Variants in CCNY observed in about 807,000 individuals in gnomAD.
CCNY encodes cyclin Y, also known as cyclin-Y.
In CCNY, 19 loss-of-function variants were observed where a neutral mutation model predicts 42.8. The ratio of observed to expected loss-of-function variants is 0.44; its 90% CI spans 0.31 to 0.65. CCNY has a LOEUF of 0.65. Among genes scored for constraint, CCNY ranks in the 30% least tolerant of loss-of-function variants. CCNY has a pLI of 0.07. For missense variants in CCNY, 370 were observed against 437.3 expected (o/e 0.85, Z 1.37); for synonymous variants, 165 against 162.7 (o/e 1.01, Z -0.11).
intron 1 of CCNY, among the ~76,000 whole-genome samples, chr10:35,350,461 G>C (rs1836405194): frequency 6.6e-6 from 1 of 152,252 alleles, no homozygotes; most frequent in Admixed American, 6.5e-5. Flanking sequence ...TTAAGAGTCT[G>C]TAAAGTTCTA....
At chr10:35,290,824 CAAA>C (rs1589019311) in intron 3 of CCNY, among the ~76,000 whole-genome samples, 3 of 151,950 alleles carry the variant, frequency 2.0e-5, no homozygotes, top group Admixed American at 2.0e-4. Flanking sequence ...ACGAAAAAAA[CAAA>C]ACATAAAACA....
intron 1 of CCNY, among the ~76,000 whole-genome samples, chr10:35,423,925 A>T (rs918164865): frequency 4.6e-5 from 7 of 152,334 alleles, no homozygotes; most frequent in African/African-American, 1.7e-4. Flanking sequence ...ATCTGAGACG[A>T]TCACCTCAAC....
intron 3 of CCNY, among the ~76,000 whole-genome samples, chr10:35,311,689 CA>C (rs1038413864): frequency 8.7e-5 from 13 of 149,720 alleles, no homozygotes; most frequent in South Asian, 8.5e-4. Flanking sequence ...CCCACCCCCC[CA>C]AAAAAAAGTT....
At chr10:35,527,341 GCTTT>G (rs996473773) in intron 5 of CCNY, among the ~76,000 whole-genome samples, 1 of 152,182 alleles carries the variant, frequency 6.6e-6, no homozygotes, top group African/African-American at 2.4e-5. Context: ...GCTCAGTTGT[GCTTT>G]CAAGACAATT....
intron 1 of CCNY, among the ~76,000 whole-genome samples, chr10:35,440,275 A>G (rs1278858907): frequency 1.3e-5 from 2 of 152,170 alleles, no homozygotes; most frequent in Admixed American, 1.3e-4. Context: ...TATCTGAGAT[A>G]AGTGAGGCAG....
At position 35,439,815 on chromosome 10, in the gene CCNY, C is replaced by G. The variant is rs572240586; in HGVS notation, c.155-43589C>G. Among the ~76,000 whole-genome samples, 120 of 152,188 alleles carry G rather than the reference C, an allele frequency of 7.9e-4. No individual in the cohort carries two copies. The Middle Eastern group carries it at 0.014, about 17-fold the overall frequency. ...CTGGCAGAGGATGGTGGGCCACTCC[C>G]TTGTTACTGCCAGGTGGAGACAGAA... On this transcript the variant is annotated intron_variant, in intron 1 of 9. Coordinates refer to ENST00000374704, the MANE Select transcript of CCNY (RefSeq NM_145012.6).
At chr10:35,267,301 C>T (rs2095726497) in intron 3 of CCNY, among the ~76,000 whole-genome samples, 1 of 145,982 alleles carries the variant, frequency 6.9e-6, no homozygotes, top group East Asian at 2.0e-4. Flanking sequence ...GAGAGAGATC[C>T]CATCACTTAG....
chr10:35,351,087 A>G (rs1013150612), intron 1 of CCNY, among the ~76,000 whole-genome samples: 1 of 152,202 alleles, frequency 6.6e-6, no homozygotes, highest in Admixed American at 6.5e-5. Context: ...AGTTATCATT[A>G]TAAGAGAGTA....
At chr10:35,452,882 G>A (rs1446276932) in intron 1 of CCNY, among the ~76,000 whole-genome samples, 1 of 151,468 alleles carries the variant, frequency 6.6e-6, no homozygotes, top group Non-Finnish European at 1.5e-5. Context: ...AGCTGGGTTT[G>A]TCTAAAACCA....
At chr10:35,481,335 A>G (rs1839664844) in intron 1 of CCNY, among the ~76,000 whole-genome samples, 1 of 152,202 alleles carries the variant, frequency 6.6e-6, no homozygotes, top group Admixed American at 6.5e-5. Context: ...TAGAACCCCA[A>G]TCTGCAGGCA....
At chr10:35,523,468 C>T (rs932061510) in intron 4 of CCNY, among the ~76,000 whole-genome samples, 14 of 152,202 alleles carry the variant, frequency 9.2e-5, no homozygotes, top group Admixed American at 6.5e-4. Context: ...TCCTTCAAGA[C>T]GACTGCTAAA....
chr10:35,284,783 G>A (rs1565064008), intron 3 of CCNY, among the ~76,000 whole-genome samples: 1 of 151,924 alleles, frequency 6.6e-6, no homozygotes, highest in Non-Finnish European at 1.5e-5. Context: ...ACTATTTCAA[G>A]GGCATCCCAC....
At chr10:35,511,282 A>G (rs1483249264) in intron 3 of CCNY, among the ~76,000 whole-genome samples, 1 of 152,208 alleles carries the variant, frequency 6.6e-6, no homozygotes, top group African/African-American at 2.4e-5. Flanking sequence ...TGTACCTCCA[A>G]GACACCTGCA....
chr10:35,540,429 T>C (rs563065006), intron 7 of CCNY, among the ~76,000 whole-genome samples: 1 of 152,340 alleles, frequency 6.6e-6, no homozygotes, highest in South Asian at 2.1e-4. Context: ...TTTTTATATG[T>C]CGCTGGACTC....
intron 8 of CCNY, among the ~76,000 whole-genome samples, chr10:35,554,617 A>G (rs188965328): frequency 1.3e-5 from 2 of 152,210 alleles, no homozygotes; most frequent in East Asian, 3.9e-4. Flanking sequence ...ACGTCACATG[A>G]TGACTTCCTG....
intron 1 of CCNY, among the ~76,000 whole-genome samples, chr10:35,437,397 C>A (rs571309790): frequency 6.6e-6 from 1 of 152,118 alleles, no homozygotes; most frequent in Non-Finnish European, 1.5e-5. Flanking sequence ...TTTAAAGTAT[C>A]ATTTTCAGGC....
At chr10:35,400,939 T>G (rs574386147) in intron 1 of CCNY, among the ~76,000 whole-genome samples, 1 of 152,330 alleles carries the variant, frequency 6.6e-6, no homozygotes, top group East Asian at 1.9e-4. Context: ...CACTTTTTTT[T>G]TGAGAGAGAA....
At chr10:35,391,253 AG>A (rs890136173) in intron 1 of CCNY, among the ~76,000 whole-genome samples, 1 of 152,154 alleles carries the variant, frequency 6.6e-6, no homozygotes, top group African/African-American at 2.4e-5. Context: ...CCTATTGGCT[AG>A]GGTTGGACCG....
chr10:35,519,776 C>CG (rs1374598104), intron 4 of CCNY, among the ~76,000 whole-genome samples: 1 of 74,660 alleles, frequency 1.3e-5, no homozygotes, highest in Non-Finnish European at 2.4e-5. Context: ...CTTTTCTTTT[C>CG]TTTTTTTTTT....
Sources: allele counts gnomAD v4.1 joint callset (sites outside exome capture counted in the v4.1 genomes callset), GRCh38; gene constraint gnomAD v4.1.1; transcripts MANE v1.5; gene names NCBI Gene and HGNC (gene_info 2026-07-23, HGNC 2026-07-21).